Variants in EGFL7 observed in about 807,000 individuals in gnomAD.
EGFL7 encodes EGF like domain multiple 7, also known as epidermal growth factor-like protein 7.
Under a neutral mutation model 37.1 loss-of-function variants are expected in EGFL7, and 48 were observed. The observed-to-expected ratio is 1.29, with a 90% CI of 1.03 to 1.65. The LOEUF is 1.65. EGFL7 is among the 40% of genes most tolerant of loss of function. EGFL7 has a pLI of 0.00. For missense variants in EGFL7, 384 were observed against 378.9 expected (o/e 1.01, Z -0.11); for synonymous variants, 180 against 156.8 (o/e 1.15, Z -1.10).
chr9:136,671,023 TTGGTGGGG>T lies in EGFL7; in HGVS notation c.636+10_636+17del. 1.7e-6 allele frequency: 1 copy of T among 572,924 alleles called. No homozygotes were observed. Among genetic ancestry groups the T allele is most frequent in the Non-Finnish European group, 2.4e-6 (1 of 425,354 alleles). The allele number at this position is 572,924 out of a possible 1,614,324, so 35.5% of individuals were successfully genotyped here. On this transcript the variant is annotated intron_variant, in intron 9 of 10. Coordinates refer to ENST00000308874, the MANE Select transcript of EGFL7 (RefSeq NM_016215.5). ...TGGACCTGCTGGAGGAGGTGAGGCA[TTGGTGGGG>T]GGGGGGGGGGGCAGGCAGTCCAGGG...
chr9:136,672,199 G>A (rs1455489357), intron 10 of EGFL7, 65 bp from the exon 11 acceptor site: 1 of 1,611,960 alleles, frequency 6.2e-7, no homozygotes. Context: ...GGGCCAGTCA[G>A]ATCTAGCTGG....
chr9:136,669,573 A>G, intron 5 of EGFL7, 33 bp from the exon 6 acceptor site: 3 of 1,518,028 alleles, frequency 2.0e-6, no homozygotes, highest in Non-Finnish European at 2.7e-6. Flanking sequence ...GGGGAGTAGG[A>G]TGCCCCTCTG....
chr9:136,670,777 G>A lies in EGFL7; in HGVS notation c.572-173G>A, dbSNP rs1845803316. Reference sequence around the variant, plus strand: ...TCTGCGCAGAGCCACCCGCCCCGACGTACTTAGGCGGCATAGCCCTGAGAC... The same window carrying A: ...TCTGCGCAGAGCCACCCGCCCCGACATACTTAGGCGGCATAGCCCTGAGAC... On this transcript the variant is annotated intron_variant, in intron 8 of 10. Coordinates refer to ENST00000308874, the MANE Select transcript of EGFL7 (RefSeq NM_016215.5). The A allele has an allele frequency of 1.4e-5, 10 of 735,424 alleles. 1 individual carries two copies. Among genetic ancestry groups the A allele is most frequent in the South Asian group, 1.1e-4 (7 of 66,190 alleles). 45.6% of individuals were successfully genotyped at this position (735,424 alleles called of 1,614,324 possible). A position where few individuals can be genotyped will look rare whatever the true frequency, so the allele number is the denominator to read the frequency against.
chr9:136,668,440 C>T (rs751146672), intron 4 of EGFL7, 78 bp downstream of exon 4: 15 of 1,514,300 alleles, frequency 9.9e-6, no homozygotes, highest in African/African-American at 1.4e-5. Flanking sequence ...CGGCCCTCAG[C>T]ACCTGTCGGG....
intron 8 of EGFL7, 123 bp from the exon 9 acceptor site, chr9:136,670,827 C>T (rs560660195): frequency 3.7e-5 from 34 of 926,408 alleles, no homozygotes; most frequent in African/African-American, 1.3e-4. Context: ...AGGCAGGCAG[C>T]GGGGGCGGCA....
Position 136,668,448 on chromosome 9 carries a change from G to A in EGFL7, c.80+86G>A, listed in dbSNP as rs562284853. On this transcript the variant is annotated intron_variant, in intron 4 of 10. Coordinates refer to ENST00000308874, the MANE Select transcript of EGFL7 (RefSeq NM_016215.5). Reference sequence around the variant, plus strand: ...CTAGAGGCGGCCCTCAGCACCTGTCGGGGACTCCCTGGGGGCTCCTGCTGA... The same window carrying A: ...CTAGAGGCGGCCCTCAGCACCTGTCAGGGACTCCCTGGGGGCTCCTGCTGA... 466 of 1,512,354 alleles carry A rather than the reference G, an allele frequency of 3.1e-4. 1 individual carries two copies. Among genetic ancestry groups the A allele is most frequent in the South Asian group, 2.1e-3 (174 of 82,436 alleles). 93.7% of individuals were successfully genotyped at this position (1,512,354 alleles called of 1,614,324 possible). A position where few individuals can be genotyped will look rare whatever the true frequency, so the allele number is the denominator to read the frequency against.
chr9:136,670,895 G>C, intron 8 of EGFL7, 55 bp from the exon 9 acceptor site: 2 of 1,491,030 alleles, frequency 1.3e-6, no homozygotes, highest in South Asian at 1.2e-5. Flanking sequence ...AGGGAGCCTG[G>C]GGGTGTGGGT....
chr9:136,661,991 G>C (rs956825891), upstream of EGFL7, among the ~76,000 whole-genome samples: 2 of 152,150 alleles, frequency 1.3e-5, no homozygotes, highest in Admixed American at 6.5e-5. Context: ...AGCTCCCTTC[G>C]GCACCGTGTC....
intron 3 of EGFL7, chr9:136,665,764 C>G (rs1488632692): frequency 6.8e-6 from 1 of 146,004 alleles, no homozygotes. Flanking sequence ...GGGGCCCCCA[C>G]GGCGCGGGCT....
chr9:136,671,326 A>G (rs13287863), intron 9 of EGFL7, among the ~76,000 whole-genome samples: 124,700 of 132,398 alleles, frequency 0.94, 58,626 homozygotes, highest in East Asian at 0.99. Flanking sequence ...AGGAGGTGAG[A>G]CGTCGGCAGG....
At chr9:136,672,163 G>A (rs1182243230) in intron 10 of EGFL7, 75 bp downstream of exon 10, 1 of 1,591,906 alleles carries the variant, frequency 6.3e-7, no homozygotes, top group Non-Finnish European at 8.6e-7. Flanking sequence ...CCCAGGCTTG[G>A]GGGTCGGGGG....
Position 136,670,239 on chromosome 9 carries a change from G to T in EGFL7, c.480G>T (p.Trp160Cys). 1.2e-6 allele frequency: 2 copies of T among 1,612,596 alleles called. No individual in the cohort carries two copies. The highest frequency in any genetic ancestry group is 2.2e-5 in the East Asian group (1 of 44,876). Residue 160 changes from tryptophan to cysteine, a missense_variant, in exon 8 of 11, where the codon TGG (tryptophan) becomes TGT (cysteine). Coordinates refer to ENST00000308874, the MANE Select transcript of EGFL7 (RefSeq NM_016215.5). ...QRCVNTAGSY[W>C]CQCWEGHSLS... Reference sequence around the variant, plus strand: ...GCGTCAACACCGCCGGCAGTTACTGGTGCCAGTGTTGGGAGGGGCACAGCC... The same window carrying T: ...GCGTCAACACCGCCGGCAGTTACTGTTGCCAGTGTTGGGAGGGGCACAGCC...
In EGFL7 at chr9:136,666,428, G is replaced by A. The variant is rs547109168; in HGVS notation, c.-43+1643G>A. On this transcript the variant is annotated intron_variant, in intron 3 of 10. Transcript: ENST00000308874. The surrounding 1 kb of genome is among the most constrained non-coding windows in gnomAD (Gnocchi z 6.8). ...GCGCTGGGGGCACGGGGACCGGACT[G>A]CTGGTCCACCTGGCGCCGCCGCCCC... 1.6e-3 allele frequency among the ~76,000 whole-genome samples: 248 copies of A among 152,042 alleles called. No individual in the cohort carries two copies. The highest frequency in any genetic ancestry group is 5.9e-3 in the African/African-American group (244 of 41,418).
At chr9:136,668,510 G>T in intron 4 of EGFL7, 47 bp from the exon 5 acceptor site, 1 of 1,583,812 alleles carries the variant, frequency 6.3e-7, no homozygotes, top group Non-Finnish European at 8.6e-7. Context: ...ATCATTCTTG[G>T]GTCCTGCTCT....
chr9:136,672,385 A>G lies in EGFL7; in HGVS notation c.*99A>G, dbSNP rs1845978723. On this transcript the variant is annotated 3_prime_UTR_variant, in exon 11 of 11. Transcript: ENST00000308874. ...GGGGTCCAGAAACCACCTCGGGGTG[A>G]CTGAGCGGAAGGCCAGGCAGGGCCT... The G allele has an allele frequency of 6.6e-7, 1 of 1,507,472 alleles. No homozygotes were observed. 93.4% of individuals were successfully genotyped at this position (1,507,472 alleles called of 1,614,324 possible). A position where few individuals can be genotyped will look rare whatever the true frequency, so the allele number is the denominator to read the frequency against.
chr9:136,663,383 C>G (rs1448560273), intron 1 of EGFL7, 25 bp from the exon 2 acceptor site: 1 of 152,598 alleles, frequency 6.6e-6, no homozygotes, highest in Non-Finnish European at 1.5e-5. Flanking sequence ...GAACCCCACC[C>G]TCTGGCCTTT....
At position 136,668,692 on chromosome 9, in the gene EGFL7, C is replaced by A. The variant is rs2297535; in HGVS notation, c.197+19C>A. 0.19 allele frequency: 306,301 copies of A among 1,584,790 alleles called. 30,659 individuals carry two copies. Among genetic ancestry groups the A allele is most frequent in the Middle Eastern group, 0.23 (1,378 of 6,018 alleles). On this transcript the variant is annotated intron_variant, in intron 5 of 10. Coordinates refer to ENST00000308874, the MANE Select transcript of EGFL7 (RefSeq NM_016215.5). ...CCTACCGGTGAGTGCCCCACCACACCGAGCTCACCCAGCCCCAGCCTCCCA... is the reference window on the plus strand; with the variant it reads ...CCTACCGGTGAGTGCCCCACCACACAGAGCTCACCCAGCCCCAGCCTCCCA...
chr9:136,669,825 C>A, intron 6 of EGFL7, 89 bp from the exon 7 acceptor site: 1 of 1,444,080 alleles, frequency 6.9e-7, no homozygotes, highest in South Asian at 1.3e-5. Context: ...AAAGCACCAC[C>A]TTGCCGCAGA....
In EGFL7 at chr9:136,669,904, C is replaced by T; in HGVS notation, c.314-10C>T. Reference sequence around the variant, plus strand: ...CAACTGAGCTGGTGACCAGCCTCCCCCGCCCACAGCAATATGCCAGCCGCC... The same window carrying T: ...CAACTGAGCTGGTGACCAGCCTCCCTCGCCCACAGCAATATGCCAGCCGCC... On this transcript the variant is annotated splice_polypyrimidine_tract_variant and intron_variant, in intron 6 of 10. Coordinates refer to ENST00000308874, the MANE Select transcript of EGFL7 (RefSeq NM_016215.5). 6.4e-7 allele frequency: 1 copy of T among 1,574,576 alleles called. No homozygotes were observed. The highest frequency in any genetic ancestry group is 8.6e-7 in the Non-Finnish European group (1 of 1,161,150).
Sources: allele counts gnomAD v4.1 joint callset (sites outside exome capture counted in the v4.1 genomes callset), GRCh38; gene constraint gnomAD v4.1.1; non-coding constraint Gnocchi (gnomAD v3.1); transcripts MANE v1.5; gene names NCBI Gene and HGNC (gene_info 2026-07-23, HGNC 2026-07-21).